INPP5E: variants seen among roughly 807,000 people sequenced by gnomAD.
INPP5E encodes inositol polyphosphate-5-phosphatase E.
INPP5E carries 34 observed loss-of-function variants against 50.5 expected under a neutral mutation model. That is an observed-to-expected ratio of 0.67 (90% CI 0.51 to 0.90). The LOEUF (loss-of-function observed/expected upper bound fraction) is 0.90, where lower values mean the gene tolerates loss of function less well. Among genes scored for constraint, INPP5E ranks in the 40% least tolerant of loss-of-function variants. The probability of loss-of-function intolerance (pLI) is 0.00; values close to 1 mark genes in which losing one functional copy is unlikely to be tolerated. For synonymous variants in INPP5E, 447 were observed against 406.0 expected (o/e 1.10, Z -1.21); for missense variants, 942 against 905.5 (o/e 1.04, Z -0.52).
chr9:136,431,187 C>CTT, intron 7 of INPP5E, 70 bp from the exon 8 acceptor site: 18 of 954,136 alleles, frequency 1.9e-5, no homozygotes, highest in Non-Finnish European at 3.0e-5. Context: ...AGGCCCTCAC[C>CTT]TCTCCTCATC....
chr9:136,432,203 G>A (rs1269130225), intron 6 of INPP5E, among the ~76,000 whole-genome samples: 4 of 152,174 alleles, frequency 2.6e-5, no homozygotes, highest in Non-Finnish European at 4.4e-5. Flanking sequence ...CGATGGCCAC[G>A]TCCCTGCTCC....
intron 8 of INPP5E, 69 bp downstream of exon 8, chr9:136,430,933 A>G: frequency 1.8e-6 from 2 of 1,116,132 alleles, no homozygotes; most frequent in Non-Finnish European, 2.7e-6. Context: ...GACGCCAGGC[A>G]TCGGTTCCCG....
At chr9:136,436,954 G>A (rs1354970570) in intron 1 of INPP5E, 10 of 152,238 alleles carry the variant, frequency 6.6e-5, no homozygotes, top group Admixed American at 2.0e-4. Flanking sequence ...CCAAATTTGA[G>A]ACACGACTGT....
chr9:136,439,306 G>A lies in INPP5E; in HGVS notation c.114C>T (p.Ser38=). Residue 38 remains serine (S), a synonymous_variant, in exon 1 of 10, where the codon TCC becomes TCT. Coordinates refer to ENST00000371712, the MANE Select transcript of INPP5E (RefSeq NM_019892.6). The stretch of plus-strand genomic sequence containing the variant: ...TCTCGGAGCCCGGAGCATCGGGTGG[G>A]GACCCCGCGCGCTGGGCCGGCGGAG... ...PGAPPAQRAG[S]PPDAPGSESP... The A allele has an allele frequency of 7.1e-7, 1 of 1,413,464 alleles. No individual in the cohort carries two copies. The highest frequency in any genetic ancestry group is 9.1e-7 in the Non-Finnish European group (1 of 1,093,184). 87.6% of individuals were successfully genotyped at this position (1,413,464 alleles called of 1,614,324 possible). A position where few individuals can be genotyped will look rare whatever the true frequency, so the allele number is the denominator to read the frequency against.
At chr9:136,431,207 G>GCCCCCCCC in intron 7 of INPP5E, 90 bp from the exon 8 acceptor site, 9 of 683,476 alleles carry the variant, frequency 1.3e-5, no homozygotes, top group South Asian at 7.7e-5. Flanking sequence ...CTCCCACCAC[G>GCCCCCCCC]CCCACCCTCC....
Position 136,434,113 on chromosome 9 carries a change from C to CG in INPP5E, c.957dup (p.Glu320ArgfsTer25). 1 of 1,609,622 alleles carries CG rather than the reference C, an allele frequency of 6.2e-7. No individual in the cohort carries two copies. The highest frequency in any genetic ancestry group is 8.5e-7 in the Non-Finnish European group (1 of 1,179,264). On this transcript the variant is annotated frameshift_variant, in exon 3 of 10. Transcript: ENST00000371712. LOFTEE classifies it high-confidence loss of function. ...TCGGCCTCGGCTGGGAGCAGGAACT[C>CG]GTCCAGGCTGGGCGGGAGCTCCTGG...
chr9:136,431,110 G>A lies in INPP5E; in HGVS notation c.1557C>T (p.Ile519=), dbSNP rs1835688879. The change falls in exon 8 of 10, where the codon ATC becomes ATT. Residue 519 remains isoleucine, a synonymous_variant. Transcript: ENST00000371712. ...QLIREMRKGS[I]FKGFQEPDIH... ...TGTCCGGCTCCTGGAAGCCCTTGAA[G>A]ATGGACCCTGCCACAGGATGGGCAC... 6.2e-7 allele frequency: 1 copy of A among 1,610,554 alleles called. No individual in the cohort carries two copies. The highest frequency in any genetic ancestry group is 8.5e-7 in the Non-Finnish European group (1 of 1,177,540).
Position 136,429,384 on chromosome 9 carries a change from G to A in INPP5E, c.*291C>T, listed in dbSNP as rs907473731. On this transcript the variant is annotated 3_prime_UTR_variant, in exon 10 of 10. Transcript: ENST00000371712. ...GGAACGGATTCTGACGTCTGCCCCC[G>A]AGAGTGGCTGGGGTCCGTGGTGCTG... The A allele has an allele frequency of 5.8e-5, 30 of 518,004 alleles. No individual in the cohort carries two copies. Among genetic ancestry groups the A allele is most frequent in the Non-Finnish European group, 8.8e-5 (25 of 285,032 alleles). 32.1% of individuals were successfully genotyped at this position (518,004 alleles called of 1,614,324 possible).
intron 3 of INPP5E, among the ~76,000 whole-genome samples, 178 bp downstream of exon 3, chr9:136,433,859 G>A (rs2131610076): frequency 6.6e-6 from 1 of 152,256 alleles, no homozygotes; most frequent in African/African-American, 2.4e-5. Context: ...CCCCGGGCAG[G>A]CACTGCAGAT....
chr9:136,429,673 CTT>C lies in INPP5E; in HGVS notation c.1935_*1del. 1 of 1,614,028 alleles carries C rather than the reference CTT, an allele frequency of 6.2e-7. No individual in the cohort carries two copies. Among genetic ancestry groups the C allele is most frequent in the Non-Finnish European group, 8.5e-7 (1 of 1,180,036 alleles). ...CAGCTGTGAGTCCTCGTTCAGCAAACTTCAAGAAACGGAGCAGATGGTGCTGG... is the reference window on the plus strand; with the variant it reads ...CAGCTGTGAGTCCTCGTTCAGCAAACCAAGAAACGGAGCAGATGGTGCTGG... On this transcript the variant is annotated stop_lost and 3_prime_UTR_variant, in exon 10 of 10. Coordinates refer to ENST00000371712, the MANE Select transcript of INPP5E (RefSeq NM_019892.6).
chr9:136,430,964 T>C (rs1290898326), intron 8 of INPP5E, 38 bp downstream of exon 8: 1 of 1,423,022 alleles, frequency 7.0e-7, no homozygotes, highest in South Asian at 1.1e-5. Context: ...ATGCCTGCCC[T>C]GGAAGCACTC....
Position 136,438,745 on chromosome 9 carries a change from C to A in INPP5E, c.675G>T (p.Pro225=). The A allele has an allele frequency of 6.2e-7, 1 of 1,611,204 alleles. No individual in the cohort carries two copies. The highest frequency in any genetic ancestry group is 8.5e-7 in the Non-Finnish European group (1 of 1,179,352). ...DLADYKLRAQ[P]LLVRAHSSLG... is the part of the protein sequence containing the mutation. Reference sequence around the variant, plus strand: ...GGCTGCTGTGGGCCCGCACCAGGAGCGGCTGCGCGCGGAGCTTGTAGTCTG... The same window carrying A: ...GGCTGCTGTGGGCCCGCACCAGGAGAGGCTGCGCGCGGAGCTTGTAGTCTG... The change falls in exon 1 of 10, where the codon CCG becomes CCT. Residue 225 remains proline, a synonymous_variant. Transcript: ENST00000371712.
Position 136,433,121 on chromosome 9 carries a change from TTCCAGCCGCGCCCACCCC to T in INPP5E, c.1159+16_1159+33del, listed in dbSNP as rs1239490197. ...AGCTCACCTGTGGGACGCTGCCACC[TTCCAGCCGCGCCCACCCC>T]TCCAGCCGCGCCCACCTGAGCAGAA... is the stretch of plus-strand genomic sequence containing the variant. On this transcript the variant is annotated intron_variant, in intron 4 of 9. Coordinates refer to ENST00000371712, the MANE Select transcript of INPP5E (RefSeq NM_019892.6). 1.6e-5 allele frequency: 22 copies of T among 1,357,788 alleles called. No homozygotes were observed. The highest frequency in any genetic ancestry group is 3.4e-5 in the African/African-American group (2 of 59,394). 84.1% of individuals were successfully genotyped at this position (1,357,788 alleles called of 1,614,324 possible). A position where few individuals can be genotyped will look rare whatever the true frequency, so the allele number is the denominator to read the frequency against.
chr9:136,429,688 C>G lies in INPP5E; in HGVS notation c.1922G>C (p.Cys641Ser). ...ALQSQNSSTI[C>S]SVS ...GTTCAGCAAACTTCAAGAAACGGAG[C>G]AGATGGTGCTGGAGTTCTGACTCTG... The change falls in exon 10 of 10, where the codon TGC (cysteine) becomes TCC (serine). Residue 641 changes from cysteine to serine, a missense_variant. Coordinates refer to ENST00000371712, the MANE Select transcript of INPP5E (RefSeq NM_019892.6). 2.5e-6 allele frequency: 4 copies of G among 1,614,116 alleles called. No individual in the cohort carries two copies. The highest frequency in any genetic ancestry group is 1.1e-5 in the South Asian group (1 of 91,088).
Position 136,433,129 on chromosome 9 carries a change from G to A in INPP5E, c.1159+26C>T, listed in dbSNP as rs140797474. The A allele has an allele frequency of 0.021, 33,392 of 1,608,534 alleles. 498 individuals carry two copies. The highest frequency in any genetic ancestry group is 0.06 in the Middle Eastern group (362 of 6,060). ...TGTGGGACGCTGCCACCTTCCAGCC[G>A]CGCCCACCCCTCCAGCCGCGCCCAC... On this transcript the variant is annotated intron_variant, in intron 4 of 9. Coordinates refer to ENST00000371712, the MANE Select transcript of INPP5E (RefSeq NM_019892.6).
chr9:136,432,776 C>T (rs1161285438), intron 5 of INPP5E, among the ~76,000 whole-genome samples, 180 bp downstream of exon 5: 1 of 152,192 alleles, frequency 6.6e-6, no homozygotes, highest in Admixed American at 6.5e-5. Context: ...CACGGCACGC[C>T]CTCGGTGCCG....
At chr9:136,431,737 C>A (rs1588832648) in intron 7 of INPP5E, 87 bp downstream of exon 7, 1 of 164,304 alleles carries the variant, frequency 6.1e-6, no homozygotes, top group Non-Finnish European at 1.2e-5. Context: ...CCCAGGCCCT[C>A]ACCTCTCCTC....
rs530758804 is a variant in INPP5E at position 136,430,291 on chromosome 9, C to A, written c.1788G>T (p.Arg596Ser). 6.4e-7 allele frequency: 1 copy of A among 1,551,524 alleles called. No individual in the cohort carries two copies. The highest frequency in any genetic ancestry group is 1.2e-5 in the South Asian group (1 of 84,068). ...AGAACACTGACTTGTCTCGCCCCGGCCTCACTTTCACCCGGAAGAGGCCAT... is the reference window on the plus strand; with the variant it reads ...AGAACACTGACTTGTCTCGCCCCGGACTCACTTTCACCCGGAAGAGGCCAT... ...PVYGLFRVKV[R>S]PGRDNIPLAA... The change falls in exon 9 of 10, where the codon AGG (arginine) becomes AGT (serine). Residue 596 changes from arginine (R) to serine (S), a missense_variant. Arg to Ser is a moderately radical substitution (Grantham distance 110). Coordinates refer to ENST00000371712, the MANE Select transcript of INPP5E (RefSeq NM_019892.6).
At chr9:136,432,911 G>A in intron 5 of INPP5E, 45 bp downstream of exon 5, 1 of 1,603,858 alleles carries the variant, frequency 6.2e-7, no homozygotes, top group Non-Finnish European at 8.5e-7. Flanking sequence ...AGGAGAGGAA[G>A]CTGTTCTCAC....
Sources: gnomAD v4.1 joint callset for allele counts (sites outside exome capture counted in the v4.1 genomes callset) on GRCh38, gnomAD v4.1.1 for gene constraint, MANE v1.5 for transcripts, NCBI Gene and HGNC (gene_info 2026-07-23, HGNC 2026-07-21) for gene names.